The following PCDHA9 variants were observed in gnomAD, a reference collection of about 807,000 sequenced individuals.
PCDHA9 encodes protocadherin alpha 9, also known as protocadherin alpha-9.
In PCDHA9, 62 loss-of-function variants were observed where a neutral mutation model predicts 62.0. That is an observed-to-expected ratio of 1.00 (90% confidence interval 0.81 to 1.23). The LOEUF is 1.23. Ranked by LOEUF, PCDHA9 falls within the 50% of genes most tolerant of loss-of-function variation. The probability of loss-of-function intolerance (pLI) is 0.00; values close to 1 mark genes in which losing one functional copy is unlikely to be tolerated. For missense variants in PCDHA9, 1,205 were observed against 1,249.8 expected (o/e 0.96, Z 0.54); for synonymous variants, 557 against 567.6 (o/e 0.98, Z 0.27).
intron 1 of PCDHA9, among the ~76,000 whole-genome samples, chr5:140,879,372 G>T (rs1434937494): frequency 1.3e-5 from 2 of 152,172 alleles, no homozygotes; most frequent in African/African-American, 4.8e-5. Context: ...CCAACCTGCA[G>T]AACAAGGTTG....
intron 1 of PCDHA9, chr5:140,871,547 A>T: frequency 6.7e-7 from 1 of 1,498,966 alleles, no homozygotes; most frequent in Non-Finnish European, 8.9e-7. Flanking sequence ...AATTATTTAA[A>T]ATCCAGTTTT....
At chr5:140,962,928 A>G (rs1447478531) in intron 1 of PCDHA9, among the ~76,000 whole-genome samples, 5 of 152,186 alleles carry the variant, frequency 3.3e-5, no homozygotes, top group African/African-American at 1.2e-4. Flanking sequence ...GATACTTCTC[A>G]ACCTCCTCTC....
chr5:140,926,723 C>G (rs1224901751), intron 1 of PCDHA9: 1 of 1,034,598 alleles, frequency 9.7e-7, no homozygotes, highest in Non-Finnish European at 1.3e-6. Flanking sequence ...CCGGCAATGC[C>G]GGCGTTCGGG....
chr5:140,938,807 A>G (rs1253557528), intron 1 of PCDHA9, among the ~76,000 whole-genome samples: 1 of 152,020 alleles, frequency 6.6e-6, no homozygotes, highest in Non-Finnish European at 1.5e-5. Context: ...GGTACCACAA[A>G]CCCCTGTGAC....
intron 1 of PCDHA9, among the ~76,000 whole-genome samples, chr5:140,898,476 G>A (rs1167001415): frequency 6.6e-6 from 1 of 152,072 alleles, no homozygotes; most frequent in Non-Finnish European, 1.5e-5. Flanking sequence ...TTTTTCTCAG[G>A]TTTGTCAAAG....
intron 1 of PCDHA9, among the ~76,000 whole-genome samples, chr5:140,949,544 T>C (rs981428881): frequency 5.3e-5 from 8 of 151,908 alleles, no homozygotes; most frequent in Non-Finnish European, 1.2e-4. Flanking sequence ...TATCGATTTG[T>C]TGCTGGTCAT....
At chr5:140,892,624 A>C (rs1041078923) in intron 1 of PCDHA9, among the ~76,000 whole-genome samples, 28 of 152,166 alleles carry the variant, frequency 1.8e-4, no homozygotes, top group Non-Finnish European at 3.2e-4. Flanking sequence ...CAGTTGGTAC[A>C]TAATAATTGT....
At position 140,978,971 on chromosome 5, in the gene PCDHA9, G is replaced by T. The variant is rs782774245; in HGVS notation, c.2417G>T (p.Trp806Leu). Residue 806 changes from tryptophan (W) to leucine (L), a missense_variant, in exon 2 of 4, where the codon TGG becomes TTG. Physicochemically the swap from Trp to Leu is moderately conservative, Grantham distance 61 (BLOSUM62 -2). Coordinates refer to ENST00000532602, the MANE Select transcript of PCDHA9 (RefSeq NM_031857.2). ...TGKPRQPNPD[W>L]RYSASLRAGM... is the part of the protein sequence containing the mutation. ...CAGCCACGACAGCCCAACCCTGACT[G>T]GCGTTACTCTGCCTCCCTGAGAGCA... The T allele has an allele frequency of 6.2e-7, 1 of 1,614,170 alleles. No individual in the cohort carries two copies. The highest frequency in any genetic ancestry group is 1.1e-5 in the South Asian group (1 of 91,076).
intron 1 of PCDHA9, among the ~76,000 whole-genome samples, chr5:140,903,758 T>TCCACCAAAGCCCAGTAATAGGCCAAGA (rs2070567163): frequency 6.6e-6 from 1 of 152,218 alleles, no homozygotes; most frequent in Non-Finnish European, 1.5e-5. Flanking sequence ...CCTTGATTTT[T>TCCACCAAAGCCCAGTAATAGGCCAAGA]GCTGAACTTT....
intron 1 of PCDHA9, among the ~76,000 whole-genome samples, chr5:140,907,507 T>C (rs1358466312): frequency 2.0e-5 from 3 of 152,230 alleles, no homozygotes; most frequent in Admixed American, 6.5e-5. Context: ...TAAGTGTCTA[T>C]TCCAGTGAGG....
intron 1 of PCDHA9, among the ~76,000 whole-genome samples, chr5:140,959,938 G>T (rs937975013): frequency 6.6e-6 from 1 of 152,130 alleles, no homozygotes; most frequent in Non-Finnish European, 1.5e-5. Flanking sequence ...CATTACTTAG[G>T]CAGAATATCA....
intron 1 of PCDHA9, chr5:140,927,707 T>G (rs1224984801): frequency 6.2e-7 from 1 of 1,614,080 alleles, no homozygotes; most frequent in African/African-American, 1.3e-5. Flanking sequence ...CAGTACTCCC[T>G]AAGCAACAGC....
At chr5:140,924,244 C>G (rs1375839311) in intron 1 of PCDHA9, among the ~76,000 whole-genome samples, 1 of 152,152 alleles carries the variant, frequency 6.6e-6, no homozygotes, top group Non-Finnish European at 1.5e-5. Context: ...TGTTTTGCAT[C>G]CTGGTGAGAT....
intron 1 of PCDHA9, among the ~76,000 whole-genome samples, chr5:140,899,982 A>AT (rs1290251020): frequency 2.0e-5 from 3 of 150,600 alleles, no homozygotes; most frequent in African/African-American, 4.9e-5. Context: ...TACTTTTTTG[A>AT]TTTTTTTTGT....
At chr5:140,908,078 A>G (rs1047293736) in intron 1 of PCDHA9, among the ~76,000 whole-genome samples, 2 of 152,202 alleles carry the variant, frequency 1.3e-5, no homozygotes, top group Admixed American at 6.5e-5. Context: ...AAAGTGCACA[A>G]CCAGGTGCAC....
intron 1 of PCDHA9, among the ~76,000 whole-genome samples, chr5:140,923,975 T>C (rs1475895954): frequency 2.0e-5 from 3 of 152,222 alleles, no homozygotes; most frequent in African/African-American, 7.2e-5. Flanking sequence ...CCACACATAC[T>C]ATCCCTCTAG....
At chr5:140,874,459 G>A (rs569536068) in intron 1 of PCDHA9, among the ~76,000 whole-genome samples, 3 of 152,196 alleles carry the variant, frequency 2.0e-5, no homozygotes, top group African/African-American at 7.2e-5. Flanking sequence ...GACCTGTAGG[G>A]GAAGATTTAG....
At chr5:140,888,705 A>G (rs2061950008) in intron 1 of PCDHA9, among the ~76,000 whole-genome samples, 1 of 152,082 alleles carries the variant, frequency 6.6e-6, no homozygotes, top group South Asian at 2.1e-4. Context: ...ATTGGTAGGA[A>G]TGTGAAATAT....
At chr5:140,967,956 A>G in intron 1 of PCDHA9, 2 of 1,614,172 alleles carry the variant, frequency 1.2e-6, no homozygotes, top group Middle Eastern at 3.3e-4. Context: ...TCAGGCCCCA[A>G]CCGGAAAGTG....
Sources: gnomAD v4.1 joint callset for allele counts (sites outside exome capture counted in the v4.1 genomes callset) on GRCh38, gnomAD v4.1.1 for gene constraint, MANE v1.5 for transcripts, NCBI Gene and HGNC (gene_info 2026-07-23, HGNC 2026-07-21) for gene names.